The following BICDL1 variants were observed in gnomAD, a reference collection of about 807,000 sequenced individuals.
The protein encoded by BICDL1 is BICD family like cargo adaptor 1.
A neutral mutation model predicts 76.8 loss-of-function variants in BICDL1; 20 were observed. The observed-to-expected ratio is 0.26, with a 90% CI of 0.18 to 0.38. BICDL1 has a LOEUF of 0.38. Among genes scored for constraint, BICDL1 ranks in the 10% least tolerant of loss-of-function variants. The pLI is 1.00. For synonymous variants in BICDL1, 383 were observed against 337.1 expected (o/e 1.14, Z -1.49); for missense variants, 700 against 798.6 (o/e 0.88, Z 1.49).
intron 2 of BICDL1, among the ~76,000 whole-genome samples, chr12:120,045,740 A>C (rs919527789): frequency 1.6e-5 from 2 of 127,794 alleles, no homozygotes; most frequent in Admixed American, 9.4e-5. Context: ...GGACATAGGA[A>C]GGGGAACATC....
intron 3 of BICDL1, among the ~76,000 whole-genome samples, chr12:120,063,194 A>C (rs1031564956): frequency 1.3e-5 from 2 of 152,224 alleles, no homozygotes; most frequent in African/African-American, 4.8e-5. Flanking sequence ...CATGGGAAGG[A>C]AAATTTAAAG....
chr12:120,049,440 C>G (rs1218635322), intron 2 of BICDL1, among the ~76,000 whole-genome samples: 2 of 152,194 alleles, frequency 1.3e-5, no homozygotes, highest in East Asian at 3.8e-4. Context: ...AAGAGATCTG[C>G]TAACATGGGC....
chr12:120,074,773 G>A (rs1311508354), intron 7 of BICDL1, among the ~76,000 whole-genome samples, 187 bp downstream of exon 7: 6 of 152,200 alleles, frequency 3.9e-5, no homozygotes, highest in Admixed American at 1.3e-4. Context: ...CAGTCCTTTA[G>A]CCCAAAGTAA....
intron 2 of BICDL1, among the ~76,000 whole-genome samples, chr12:120,031,920 GTC>G (rs1437457067): frequency 5.9e-5 from 9 of 151,870 alleles, no homozygotes; most frequent in African/African-American, 2.2e-4. Context: ...ATGAGACCCT[GTC>G]TCTACAAATA....
intron 2 of BICDL1, chr12:120,057,079 C>G: frequency 1.9e-6 from 1 of 522,332 alleles, no homozygotes; most frequent in Non-Finnish European, 3.8e-6. Flanking sequence ...CCTCCTCCAC[C>G]TCTGATGCAG....
chr12:120,050,987 C>T (rs1412903234), intron 2 of BICDL1, among the ~76,000 whole-genome samples: 1 of 151,956 alleles, frequency 6.6e-6, no homozygotes, highest in Admixed American at 6.6e-5. Flanking sequence ...GGATCTTTTC[C>T]AAATCTGAGA....
At chr12:120,001,134 A>G (rs997591342) in intron 2 of BICDL1, among the ~76,000 whole-genome samples, 1 of 152,068 alleles carries the variant, frequency 6.6e-6, no homozygotes, top group African/African-American at 2.4e-5. Flanking sequence ...ATCAGCAGCA[A>G]GTTTAGATAG....
At chr12:120,089,760 G>A (rs567658663) in intron 8 of BICDL1, among the ~76,000 whole-genome samples, 191 bp from the exon 9 acceptor site, 2 of 152,338 alleles carry the variant, frequency 1.3e-5, no homozygotes, top group East Asian at 3.9e-4. Flanking sequence ...AAAACTGGGA[G>A]AATATATGTG....
intron 2 of BICDL1, among the ~76,000 whole-genome samples, chr12:120,044,599 T>C (rs1332853129): frequency 6.6e-6 from 1 of 152,234 alleles, no homozygotes; most frequent in African/African-American, 2.4e-5. Context: ...CTTTTGAAAG[T>C]ATAAACATTT....
chr12:120,024,078 G>A (rs112284811), intron 2 of BICDL1, among the ~76,000 whole-genome samples: 3,308 of 152,124 alleles, frequency 0.022, 132 homozygotes, highest in African/African-American at 0.076. Flanking sequence ...TCAGGTGTTC[G>A]AGACTAGCCT....
At chr12:120,059,465 G>A (rs1428389414) in intron 2 of BICDL1, among the ~76,000 whole-genome samples, 4 of 151,652 alleles carry the variant, frequency 2.6e-5, no homozygotes, top group South Asian at 2.1e-4. Context: ...TAGTAGACAC[G>A]GGGTTTCACC....
chr12:120,087,299 G>T (rs1439142776), intron 8 of BICDL1, among the ~76,000 whole-genome samples: 1 of 152,226 alleles, frequency 6.6e-6, no homozygotes, highest in African/African-American at 2.4e-5. Context: ...TGACGCGGTG[G>T]CTGAGCTGTC....
intron 2 of BICDL1, among the ~76,000 whole-genome samples, chr12:120,046,672 A>G (rs1486209328): frequency 6.6e-6 from 1 of 152,206 alleles, no homozygotes; most frequent in African/African-American, 2.4e-5. Flanking sequence ...CTGTATCCCC[A>G]GTTCAAAGCA....
chr12:119,989,274 A>C lies in BICDL1; in HGVS notation c.-595A>C, dbSNP rs1346168436. Among the ~76,000 whole-genome samples, 2 of 149,166 alleles carry C rather than the reference A, an allele frequency of 1.3e-5. No homozygotes were observed. The highest frequency in any genetic ancestry group is 4.0e-4 in the East Asian group (2 of 5,026). ...CCGGGTTGCGCGGCGCGCGATGTGG[A>C]GCCGCCGCCTCGGCCCCTGCAGCAG... On this transcript the variant is annotated 5_prime_UTR_variant, in exon 1 of 10. Transcript: ENST00000548673.
At chr12:120,047,147 A>G (rs1313684784) in intron 2 of BICDL1, among the ~76,000 whole-genome samples, 2 of 152,112 alleles carry the variant, frequency 1.3e-5, no homozygotes, top group Non-Finnish European at 2.9e-5. Flanking sequence ...TAGTGGATGT[A>G]TACCTTCTAA....
At chr12:120,024,898 G>A (rs998164444) in intron 2 of BICDL1, among the ~76,000 whole-genome samples, 11 of 151,882 alleles carry the variant, frequency 7.2e-5, no homozygotes, top group East Asian at 1.9e-4. Flanking sequence ...GACTGGTTTC[G>A]AACTCCTGAC....
chr12:120,043,137 C>T (rs1015358752), intron 2 of BICDL1, among the ~76,000 whole-genome samples: 1 of 152,122 alleles, frequency 6.6e-6, no homozygotes, highest in Non-Finnish European at 1.5e-5. Flanking sequence ...CATCCTGTAG[C>T]GTTGTTAAGA....
At chr12:120,084,629 C>G (rs1430461867) in intron 8 of BICDL1, among the ~76,000 whole-genome samples, 1 of 152,184 alleles carries the variant, frequency 6.6e-6, no homozygotes, top group Non-Finnish European at 1.5e-5. Flanking sequence ...TGGCTCACAC[C>G]TGTAATCCCA....
At chr12:119,995,720 C>T (rs1051309026) in intron 1 of BICDL1, among the ~76,000 whole-genome samples, 2 of 152,202 alleles carry the variant, frequency 1.3e-5, no homozygotes, top group South Asian at 2.1e-4. Context: ...GGCACGGTGG[C>T]TCACGCCTGT....
Sources: allele counts gnomAD v4.1 joint callset (sites outside exome capture counted in the v4.1 genomes callset), GRCh38; gene constraint gnomAD v4.1.1; transcripts MANE v1.5; gene names NCBI Gene and HGNC (gene_info 2026-07-23, HGNC 2026-07-21).